The following ADAMTS12 variants were observed in gnomAD, a reference collection of about 807,000 sequenced individuals.
ADAMTS12 encodes A disintegrin and metalloproteinase with thrombospondin motifs 12.
Under a neutral mutation model 167.8 loss-of-function variants are expected in ADAMTS12, and 118 were observed. The ratio of observed to expected loss-of-function variants is 0.70; its 90% CI spans 0.61 to 0.82. The LOEUF (loss-of-function observed/expected upper bound fraction) is 0.82, where lower values mean the gene tolerates loss of function less well. ADAMTS12 is among the 40% of genes least tolerant of loss of function. ADAMTS12 has a pLI of 0.00. For missense variants in ADAMTS12, 1,916 were observed against 1,998.8 expected, an observed-to-expected ratio of 0.96 and a Z score of 0.79; for synonymous variants, 704 against 716.9, an observed-to-expected ratio of 0.98 and a Z score of 0.29.
chr5:33,765,462 ATCTG>A (rs1202327645), intron 2 of ADAMTS12, among the ~76,000 whole-genome samples: 30 of 152,242 alleles, frequency 2.0e-4, no homozygotes, highest in Admixed American at 5.2e-4. Flanking sequence ...AACACTTTGC[ATCTG>A]GATACAAGTT....
At chr5:33,825,764 T>C (rs1748042631) in intron 2 of ADAMTS12, among the ~76,000 whole-genome samples, 1 of 152,188 alleles carries the variant, frequency 6.6e-6, no homozygotes, top group Non-Finnish European at 1.5e-5. Flanking sequence ...AAAAACTCTC[T>C]GGAAGTGGGA....
At chr5:33,613,099 T>C (rs1278285677) in intron 16 of ADAMTS12, among the ~76,000 whole-genome samples, 1 of 152,206 alleles carries the variant, frequency 6.6e-6, no homozygotes, top group African/African-American at 2.4e-5. Context: ...CATGGTCTTC[T>C]GCTCCATTCA....
At chr5:33,619,178 T>C (rs1340360996) in intron 14 of ADAMTS12, among the ~76,000 whole-genome samples, 1 of 152,178 alleles carries the variant, frequency 6.6e-6, no homozygotes, top group Non-Finnish European at 1.5e-5. Context: ...CATCAATGCA[T>C]CCAATTCAGA....
chr5:33,889,809 G>A (rs144289467), intron 1 of ADAMTS12, among the ~76,000 whole-genome samples: 40 of 152,116 alleles, frequency 2.6e-4, no homozygotes, highest in African/African-American at 8.2e-4. Context: ...AAAATTAGCC[G>A]GGCATGGTGG....
chr5:33,544,644 G>A (rs966635262), intron 22 of ADAMTS12, among the ~76,000 whole-genome samples: 1 of 152,058 alleles, frequency 6.6e-6, no homozygotes. Context: ...AAACAGCATG[G>A]TACTAGTACC....
intron 3 of ADAMTS12, among the ~76,000 whole-genome samples, chr5:33,709,803 T>C (rs1253543972): frequency 6.6e-6 from 1 of 152,102 alleles, no homozygotes; most frequent in African/African-American, 2.4e-5. Flanking sequence ...CAAACCACCA[T>C]GGCACACTTT....
intron 23 of ADAMTS12, among the ~76,000 whole-genome samples, chr5:33,529,790 C>T (rs1744006594): frequency 6.6e-6 from 1 of 152,136 alleles, no homozygotes; most frequent in African/African-American, 2.4e-5. Context: ...ACATATAATG[C>T]TCCTAGATTC....
chr5:33,708,569 G>A (rs148296001), intron 3 of ADAMTS12, among the ~76,000 whole-genome samples: 227 of 152,220 alleles, frequency 1.5e-3, no homozygotes, highest in African/African-American at 4.4e-3. Flanking sequence ...ATGATAAACC[G>A]GATAAAGAAA....
chr5:33,630,662 T>C (rs1280552934), intron 13 of ADAMTS12, 118 bp downstream of exon 13: 1 of 1,103,566 alleles, frequency 9.1e-7, no homozygotes, highest in Non-Finnish European at 1.3e-6. Flanking sequence ...ATGAACTATA[T>C]ATAAAAAACA....
At chr5:33,756,566 G>C (rs1745173717) in intron 2 of ADAMTS12, among the ~76,000 whole-genome samples, 1 of 152,088 alleles carries the variant, frequency 6.6e-6, no homozygotes, top group Non-Finnish European at 1.5e-5. Context: ...AGAATAAAGA[G>C]AGGTGGGAGT....
chr5:33,624,295 C>T lies in ADAMTS12; in HGVS notation c.2079G>A (p.Val693=), dbSNP rs1739474233. The change falls in exon 14 of 24, where the codon GTG becomes GTA. Residue 693 remains valine, a synonymous_variant. Transcript: ENST00000504830. ...GGCAGGAAGAGCCATCTCCCAGGCACACACCGCAGCGATCCTCGGTGGCAT... is the reference window on the plus strand; with the variant it reads ...GGCAGGAAGAGCCATCTCCCAGGCATACACCGCAGCGATCCTCGGTGGCAT... ...DSNATEDRCG[V]CLGDGSSCQT... 6.2e-7 allele frequency: 1 copy of T among 1,614,102 alleles called. No individual in the cohort carries two copies. Among genetic ancestry groups the T allele is most frequent in the Non-Finnish European group, 8.5e-7 (1 of 1,179,966 alleles).
chr5:33,621,073 C>T (rs1739302571), intron 14 of ADAMTS12, among the ~76,000 whole-genome samples: 1 of 152,098 alleles, frequency 6.6e-6, no homozygotes, highest in South Asian at 2.1e-4. Flanking sequence ...AAGGAGACCA[C>T]CTGGAGAAAC....
intron 3 of ADAMTS12, among the ~76,000 whole-genome samples, chr5:33,692,952 T>A (rs1174422590): frequency 1.3e-5 from 2 of 152,238 alleles, no homozygotes; most frequent in Non-Finnish European, 2.9e-5. Context: ...GTAGACACTA[T>A]GCTTGGAAAC....
chr5:33,761,840 G>C (rs1745366898), intron 2 of ADAMTS12, among the ~76,000 whole-genome samples: 1 of 152,182 alleles, frequency 6.6e-6, no homozygotes, highest in Non-Finnish European at 1.5e-5. Context: ...TCACATCCTT[G>C]AAGACAACAT....
In ADAMTS12 at chr5:33,875,904, A is replaced by C. The variant is rs551513991; in HGVS notation, c.489+5215T>G. Among the ~76,000 whole-genome samples the C allele has an allele frequency of 2.6e-5, 4 of 152,320 alleles. No homozygotes were observed. In the South Asian group the frequency reaches 8.3e-4, roughly 32 times the overall value. On this transcript the variant is annotated intron_variant, in intron 2 of 23. Transcript: ENST00000504830. ...CAAATGACATTATTGTATACATAGG[A>C]AATCCCAAAGAATCTTCTAAAAAAA...
intron 2 of ADAMTS12, among the ~76,000 whole-genome samples, chr5:33,866,551 C>T (rs1580004392): frequency 6.6e-6 from 1 of 152,122 alleles, no homozygotes; most frequent in African/African-American, 2.4e-5. Flanking sequence ...ATATTTATGA[C>T]TAGGACCCCA....
chr5:33,848,530 G>GT (rs2111629950), intron 2 of ADAMTS12, among the ~76,000 whole-genome samples: 1 of 152,296 alleles, frequency 6.6e-6, no homozygotes, highest in Admixed American at 6.5e-5. Flanking sequence ...CATGAGAAAT[G>GT]TTTCTCTCCA....
intron 2 of ADAMTS12, among the ~76,000 whole-genome samples, chr5:33,815,494 C>T (rs970988989): frequency 1.3e-5 from 2 of 152,200 alleles, no homozygotes; most frequent in African/African-American, 2.4e-5. Context: ...ACCTGACCAT[C>T]CTGGTGCCCT....
intron 12 of ADAMTS12, among the ~76,000 whole-genome samples, chr5:33,635,322 T>C (rs946002800): frequency 1.3e-5 from 2 of 152,128 alleles, no homozygotes; most frequent in African/African-American, 4.8e-5. Flanking sequence ...GACATGAACA[T>C]TGCCTTAGGG....
Sources: gnomAD v4.1 joint callset for allele counts (sites outside exome capture counted in the v4.1 genomes callset) on GRCh38, gnomAD v4.1.1 for gene constraint, MANE v1.5 for transcripts, NCBI Gene and HGNC (gene_info 2026-07-23, HGNC 2026-07-21) for gene names.